ACACA: variants seen among roughly 807,000 people sequenced by gnomAD.
ACACA encodes the protein acetyl-CoA carboxylase alpha, also known as acetyl-CoA carboxylase 1.
A neutral mutation model predicts 296.1 loss-of-function variants in ACACA; 103 were observed. The ratio of observed to expected loss-of-function variants is 0.35; its 90% CI spans 0.30 to 0.41. The LOEUF (loss-of-function observed/expected upper bound fraction) is 0.41. Ranked by LOEUF, ACACA falls within the 10% of genes least tolerant of loss-of-function variation. The pLI is 1.00. For missense variants in ACACA, 1,554 were observed against 2,989.7 expected (o/e 0.52, Z 11.20); for synonymous variants, 953 against 1,038.6 (o/e 0.92, Z 1.58).
chr17:37,219,526 T>A (rs576036237), intron 29 of ACACA, among the ~76,000 whole-genome samples: 6 of 152,180 alleles, frequency 3.9e-5, no homozygotes, highest in African/African-American at 1.4e-4. Context: ...GGTGGTGGAC[T>A]GAGCCCTTAG....
chr17:37,381,541 G>A (rs751005618), intron 1 of ACACA, among the ~76,000 whole-genome samples: 2 of 150,374 alleles, frequency 1.3e-5, no homozygotes, highest in African/African-American at 2.5e-5. Flanking sequence ...ATTTCAATAC[G>A]TATATATTTA....
intron 45 of ACACA, among the ~76,000 whole-genome samples, chr17:37,149,008 T>C (rs1190448560): frequency 1.3e-5 from 2 of 152,252 alleles, no homozygotes; most frequent in African/African-American, 2.4e-5. Context: ...TATTCCATTA[T>C]ACTTTTCTGG....
At chr17:37,129,971 A>C in intron 46 of ACACA, 104 bp downstream of exon 46, 1 of 1,465,312 alleles carries the variant, frequency 6.8e-7, no homozygotes. Flanking sequence ...TTTATAAAAA[A>C]ATTCCTCCAC....
chr17:37,344,551 CCTT>C (rs2048529349), intron 1 of ACACA, among the ~76,000 whole-genome samples: 2 of 151,602 alleles, frequency 1.3e-5, no homozygotes, highest in Non-Finnish European at 2.9e-5. Context: ...GAGCGAGACT[CCTT>C]CTCAAAAAAA....
intron 41 of ACACA, among the ~76,000 whole-genome samples, chr17:37,177,115 T>G (rs1055242009): frequency 3.9e-5 from 6 of 152,238 alleles, no homozygotes; most frequent in Non-Finnish European, 7.4e-5. Context: ...TCAAAACTAT[T>G]AAAGCACTGG....
chr17:37,376,143 C>T, intron 1 of ACACA: 1 of 1,610,780 alleles, frequency 6.2e-7, no homozygotes, highest in Non-Finnish European at 8.5e-7. Flanking sequence ...ATGATGCCAA[C>T]AAGAAAGGTA....
At chr17:37,249,430 T>C (rs950590427) in intron 16 of ACACA, among the ~76,000 whole-genome samples, 1 of 152,202 alleles carries the variant, frequency 6.6e-6, no homozygotes, top group Non-Finnish European at 1.5e-5. Context: ...GTAATTGCAA[T>C]ACCATTTTTC....
At chr17:37,274,723 C>G in intron 8 of ACACA, 1 of 957,994 alleles carries the variant, frequency 1.0e-6, no homozygotes, top group Non-Finnish European at 1.2e-6. Context: ...TTATTGGCCT[C>G]AGCAGAGTCA....
At chr17:37,144,014 G>T (rs1226269531) in intron 45 of ACACA, 12 of 787,406 alleles carry the variant, frequency 1.5e-5, no homozygotes, top group Non-Finnish European at 2.6e-5. Flanking sequence ...AGCCTCTTGG[G>T]TGCATTGGGA....
intron 3 of ACACA, among the ~76,000 whole-genome samples, chr17:37,296,692 A>G (rs1480100613): frequency 6.6e-6 from 1 of 151,910 alleles, no homozygotes; most frequent in Non-Finnish European, 1.5e-5. Flanking sequence ...ACTTCTTGAC[A>G]TAGTGGTAAT....
chr17:37,302,202 C>G lies in ACACA; in HGVS notation c.339-17232G>C, dbSNP rs529317945. 2.1e-4 allele frequency among the ~76,000 whole-genome samples: 25 copies of G among 120,838 alleles called. 1 individual carries two copies. The South Asian group carries it at 3.2e-3, about 15-fold the overall frequency. The allele number at this position is 120,838 out of a possible 152,430, so 79.3% of individuals were successfully genotyped here. On this transcript the variant is annotated intron_variant, in intron 3 of 55. Transcript: ENST00000616317. ...ATGTTGGACAGGCTGGTCTGGAACT[C>G]TTTTTTTTTTTTTTTTTGAGACAGG...
intron 24 of ACACA, among the ~76,000 whole-genome samples, chr17:37,236,764 G>T (rs2080130487): frequency 6.6e-6 from 1 of 152,132 alleles, no homozygotes; most frequent in African/African-American, 2.4e-5. Context: ...GGCAGAAGTT[G>T]CAGTGAGCAG....
At chr17:37,250,040 G>A (rs927572188) in intron 16 of ACACA, among the ~76,000 whole-genome samples, 2 of 152,084 alleles carry the variant, frequency 1.3e-5, no homozygotes, top group Non-Finnish European at 2.9e-5. Context: ...TTTGCCTTCC[G>A]CCATGATTGT....
intron 4 of ACACA, among the ~76,000 whole-genome samples, chr17:37,283,829 T>C (rs2082653999): frequency 6.6e-6 from 1 of 152,204 alleles, no homozygotes; most frequent in Admixed American, 6.5e-5. Context: ...CTGAACATGT[T>C]TAAAAACCCT....
At chr17:37,342,528 C>T (rs1169947582) in intron 1 of ACACA, among the ~76,000 whole-genome samples, 1 of 139,696 alleles carries the variant, frequency 7.2e-6, no homozygotes, top group African/African-American at 2.7e-5. Context: ...TATATATACA[C>T]TATACATATA....
intron 3 of ACACA, chr17:37,329,013 T>C: frequency 5.0e-6 from 2 of 398,610 alleles, no homozygotes; most frequent in Non-Finnish European, 8.8e-6. Context: ...CAAAGGTTAG[T>C]ATCTCACACG....
At chr17:37,254,697 G>A (rs1422194418) in intron 14 of ACACA, among the ~76,000 whole-genome samples, 1 of 151,712 alleles carries the variant, frequency 6.6e-6, no homozygotes, top group Middle Eastern at 3.2e-3. Context: ...TACAATGAAT[G>A]AATGGGCCTG....
intron 1 of ACACA, among the ~76,000 whole-genome samples, chr17:37,352,619 T>C (rs1238352760): frequency 1.3e-5 from 2 of 151,500 alleles, no homozygotes; most frequent in Non-Finnish European, 2.9e-5. Flanking sequence ...CTTGGGAGGC[T>C]GAGGTGAGTG....
At position 37,117,179 on chromosome 17, in the gene ACACA, T is replaced by C. The variant is rs1237882550; in HGVS notation, c.6275-3914A>G. Among the ~76,000 whole-genome samples, 3 of 152,318 alleles carry C rather than the reference T, an allele frequency of 2.0e-5. No individual in the cohort carries two copies. In the East Asian group the frequency reaches 5.8e-4, roughly 29 times the overall value. ...GTGTTTCCACAGTGTCCCACACTCT[T>C]GAAAATGAAACAGATCTTATTGGCT... On this transcript the variant is annotated intron_variant, in intron 50 of 55. Transcript: ENST00000616317.
Sources: gnomAD v4.1 joint callset for allele counts (sites outside exome capture counted in the v4.1 genomes callset) on GRCh38, gnomAD v4.1.1 for gene constraint, MANE v1.5 for transcripts, NCBI Gene and HGNC (gene_info 2026-07-23, HGNC 2026-07-21) for gene names.